PHF20: variants seen among roughly 807,000 people sequenced by gnomAD.
PHF20 encodes PHD finger protein 20.
PHF20 carries 23 observed loss-of-function variants against 113.5 expected under a neutral mutation model. That is an observed-to-expected ratio of 0.20 (90% CI 0.15 to 0.29). The LOEUF (loss-of-function observed/expected upper bound fraction) is 0.29. Among genes scored for constraint, PHF20 ranks in the 10% least tolerant of loss-of-function variants. The pLI is 1.00. For missense variants in PHF20, 943 were observed against 1,219.6 expected (o/e 0.77, Z 3.38); for synonymous variants, 434 against 457.3 (o/e 0.95, Z 0.65).
intron 12 of PHF20, 172 bp from the exon 13 acceptor site, chr20:35,917,312 G>A: frequency 1.4e-6 from 1 of 717,626 alleles, no homozygotes; most frequent in Non-Finnish European, 2.6e-6. Flanking sequence ...GCTTCGTTTG[G>A]GCTGTTACTA....
rs181558125 is a variant in PHF20, at chr20:35,869,218, G to A, written c.809-220G>A. On this transcript the variant is annotated intron_variant, in intron 6 of 17. Coordinates refer to ENST00000374012, the MANE Select transcript of PHF20 (RefSeq NM_016436.5). ...GAGCTGGATCATAGAAAAGATTCAG[G>A]AGGTCAATTGGCAAGGTATCACCAT... Among the ~76,000 whole-genome samples, 4 of 152,248 alleles carry A rather than the reference G, an allele frequency of 2.6e-5. No homozygotes were observed. The East Asian group carries it at 7.7e-4, about 29-fold the overall frequency.
intron 9 of PHF20, chr20:35,878,363 T>C (rs951750374): frequency 5.2e-6 from 2 of 381,730 alleles, no homozygotes; most frequent in Non-Finnish European, 4.6e-6. Context: ...AGAATGACAG[T>C]GAAAATGTGT....
chr20:35,805,864 C>A (rs1569128649), intron 2 of PHF20, among the ~76,000 whole-genome samples: 1 of 146,150 alleles, frequency 6.8e-6, no homozygotes, highest in Non-Finnish European at 1.5e-5. Context: ...TTTTTCAGTT[C>A]TTTTTTTTTT....
intron 2 of PHF20, chr20:35,838,265 T>C (rs1324558874): frequency 6.6e-6 from 1 of 152,226 alleles, no homozygotes; most frequent in African/African-American, 2.4e-5. Context: ...ATTATGTACT[T>C]TTAATAGTTA....
At chr20:35,787,869 C>T (rs1328711517) in intron 1 of PHF20, among the ~76,000 whole-genome samples, 1 of 55,930 alleles carries the variant, frequency 1.8e-5, no homozygotes, top group Non-Finnish European at 4.7e-5. Context: ...CAACCTCCGC[C>T]TGGGTTCAAG....
intron 1 of PHF20, among the ~76,000 whole-genome samples, chr20:35,799,201 T>C (rs113303340): frequency 0.048 from 7,214 of 149,438 alleles, 211 homozygotes; most frequent in African/African-American, 0.09. Flanking sequence ...CTTGTAATCC[T>C]GTAATCCCAG....
chr20:35,839,378 G>A (rs1325278157), intron 2 of PHF20, among the ~76,000 whole-genome samples: 3 of 130,768 alleles, frequency 2.3e-5, no homozygotes, highest in Non-Finnish European at 3.1e-5. Context: ...GTGACAGAAC[G>A]AGATTCCATC....
chr20:35,910,911 A>G (rs952931655), intron 10 of PHF20, among the ~76,000 whole-genome samples: 5 of 151,638 alleles, frequency 3.3e-5, no homozygotes, highest in African/African-American at 1.2e-4. Context: ...GTGAGCCAGC[A>G]TGCCCAGATG....
chr20:35,908,160 C>A (rs1259182108), intron 10 of PHF20, among the ~76,000 whole-genome samples: 2 of 152,310 alleles, frequency 1.3e-5, no homozygotes, highest in South Asian at 2.1e-4. Context: ...GAGTGCCTGT[C>A]CCAGGCCCTG....
intron 9 of PHF20, among the ~76,000 whole-genome samples, chr20:35,892,214 C>T (rs531799988): frequency 2.0e-5 from 3 of 150,044 alleles, no homozygotes; most frequent in East Asian, 1.9e-4. Context: ...TGCACCACCA[C>T]GCCTGGCTGA....
chr20:35,843,183 G>A (rs2146938079), intron 3 of PHF20, among the ~76,000 whole-genome samples: 1 of 151,886 alleles, frequency 6.6e-6, no homozygotes, highest in South Asian at 2.1e-4. Flanking sequence ...CTGGCACATT[G>A]TAGATCTTCT....
intron 15 of PHF20, among the ~76,000 whole-genome samples, chr20:35,933,832 C>T (rs752242092): frequency 2.0e-5 from 3 of 152,210 alleles, no homozygotes; most frequent in South Asian, 2.1e-4. Context: ...TGTGCCCGGT[C>T]GGTCTCTTGG....
chr20:35,916,124 C>A (rs1048649314), intron 12 of PHF20, among the ~76,000 whole-genome samples: 5 of 151,922 alleles, frequency 3.3e-5, no homozygotes, highest in Admixed American at 2.6e-4. Flanking sequence ...AGAATGAGAC[C>A]CTGTCTCAAA....
At chr20:35,929,433 C>T (rs1216700063) in intron 14 of PHF20, among the ~76,000 whole-genome samples, 1 of 152,236 alleles carries the variant, frequency 6.6e-6, no homozygotes, top group Non-Finnish European at 1.5e-5. Flanking sequence ...AACACAAGTC[C>T]AGAAGGGACA....
chr20:35,780,221 CTTTTTTTTTTTTT>C (rs930285446), intron 1 of PHF20, among the ~76,000 whole-genome samples: 1 of 123,270 alleles, frequency 8.1e-6, no homozygotes, highest in African/African-American at 3.1e-5. Context: ...CCCCAGATTT[CTTTTTTTTTTTTT>C]TTTTTTTTTG....
chr20:35,939,238 T>C (rs1374936213), intron 16 of PHF20, 130 bp downstream of exon 16: 2 of 1,167,972 alleles, frequency 1.7e-6, no homozygotes, highest in East Asian at 5.5e-5. Context: ...CATAGATATG[T>C]TTTGGTTTGC....
chr20:35,791,087 G>A lies in PHF20; in HGVS notation c.-32-10404G>A, dbSNP rs560237183. ...TTGGCCAGGCTGGTCTTGAACTCCTGACCTTGTGATCCACCTGCCTCAGCC... is the reference window on the plus strand; with the variant it reads ...TTGGCCAGGCTGGTCTTGAACTCCTAACCTTGTGATCCACCTGCCTCAGCC... On this transcript the variant is annotated intron_variant, in intron 1 of 17. Coordinates refer to ENST00000374012, the MANE Select transcript of PHF20 (RefSeq NM_016436.5). 5.3e-5 allele frequency among the ~76,000 whole-genome samples: 8 copies of A among 152,182 alleles called. No homozygotes were observed. In the South Asian group the frequency reaches 1.7e-3, roughly 32 times the overall value.
chr20:35,931,383 G>T lies in PHF20; in HGVS notation c.2239G>T (p.Gly747Cys). 1.2e-6 allele frequency: 2 copies of T among 1,614,054 alleles called. No individual in the cohort carries two copies. Among genetic ancestry groups the T allele is most frequent in the Non-Finnish European group, 1.7e-6 (2 of 1,180,036 alleles). ...KKIVATHQLLGDVQRVIEVLH... is the reference protein window; with the variant it reads ...KKIVATHQLLCDVQRVIEVLH... ...GATCGTGGCCACCCACCAGCTTCTTGGTGATGTGCAGAGAGTGATTGAGGT... is the reference window on the plus strand; with the variant it reads ...GATCGTGGCCACCCACCAGCTTCTTTGTGATGTGCAGAGAGTGATTGAGGT... Residue 747 changes from glycine (G) to cysteine (C), a missense_variant, in exon 15 of 18, where the codon GGT becomes TGT. Transcript: ENST00000374012.
intron 1 of PHF20, among the ~76,000 whole-genome samples, chr20:35,800,726 G>C (rs2041764442): frequency 6.6e-6 from 1 of 152,004 alleles, no homozygotes; most frequent in South Asian, 2.1e-4. Flanking sequence ...AGCTGAGATG[G>C]CACCACTGCA....
Sources: allele counts gnomAD v4.1 joint callset (sites outside exome capture counted in the v4.1 genomes callset), GRCh38; gene constraint gnomAD v4.1.1; transcripts MANE v1.5; gene names NCBI Gene and HGNC (gene_info 2026-07-23, HGNC 2026-07-21).